Variants in MYO1E observed in about 807,000 individuals in gnomAD.
MYO1E encodes unconventional myosin-Ie.
In MYO1E, 68 loss-of-function variants were observed where a neutral mutation model predicts 151.1. The observed-to-expected ratio is 0.45, with a 90% CI of 0.37 to 0.55. The LOEUF is 0.55. Ranked by LOEUF, MYO1E falls within the 20% of genes least tolerant of loss-of-function variation. The pLI is 0.00. For missense variants in MYO1E, 1,363 were observed against 1,389.3 expected, an observed-to-expected ratio of 0.98 and a Z score of 0.30; for synonymous variants, 601 against 501.7, an observed-to-expected ratio of 1.20 and a Z score of -2.64.
intron 26 of MYO1E, among the ~76,000 whole-genome samples, chr15:59,148,802 CTT>C (rs1411096691): frequency 6.6e-6 from 1 of 152,180 alleles, no homozygotes. Flanking sequence ...ACTTCCAAGA[CTT>C]TTCTGTTTTT....
chr15:59,209,814 CCTTTTTTTTT>C (rs1566979727), intron 13 of MYO1E, among the ~76,000 whole-genome samples: 1 of 99,462 alleles, frequency 1.0e-5, no homozygotes, highest in Non-Finnish European at 1.9e-5. Context: ...TTTTGAATCA[CCTTTTTTTTT>C]TTTTTTTTTT....
intron 25 of MYO1E, among the ~76,000 whole-genome samples, chr15:59,157,720 A>G (rs1474884932): frequency 6.6e-6 from 1 of 152,238 alleles, no homozygotes; most frequent in African/African-American, 2.4e-5. Flanking sequence ...TAAATTCAGT[A>G]ACAATATATC....
intron 4 of MYO1E, among the ~76,000 whole-genome samples, chr15:59,248,115 G>A (rs1227656107): frequency 1.0e-5 from 1 of 97,398 alleles, no homozygotes; most frequent in Non-Finnish European, 1.8e-5. Context: ...GTGACAGAAT[G>A]AGACTCCGTC....
intron 13 of MYO1E, 33 bp from the exon 14 acceptor site, chr15:59,208,881 C>T (rs779567828): frequency 1.9e-6 from 3 of 1,613,066 alleles, no homozygotes; most frequent in Non-Finnish European, 2.5e-6. Context: ...GCCCTAGTCA[C>T]TGACCTCTCC....
At chr15:59,246,966 G>C (rs1396856709) in intron 4 of MYO1E, among the ~76,000 whole-genome samples, 1 of 152,254 alleles carries the variant, frequency 6.6e-6, no homozygotes, top group African/African-American at 2.4e-5. Context: ...GGCCAACAAT[G>C]ACAAAGGGTT....
At chr15:59,176,523 A>G (rs1566971149) in intron 19 of MYO1E, among the ~76,000 whole-genome samples, 1 of 148,936 alleles carries the variant, frequency 6.7e-6, no homozygotes, top group Non-Finnish European at 1.5e-5. Context: ...CTGCAGTGGT[A>G]CAATCATAGC....
intron 1 of MYO1E, among the ~76,000 whole-genome samples, chr15:59,311,740 A>G (rs1323506169): frequency 2.6e-5 from 4 of 152,214 alleles, no homozygotes; most frequent in Admixed American, 6.5e-5. Context: ...CTGAAGGTAG[A>G]AAAAGGGGGA....
At chr15:59,315,528 A>G (rs940149812) in intron 1 of MYO1E, among the ~76,000 whole-genome samples, 8 of 150,786 alleles carry the variant, frequency 5.3e-5, no homozygotes, top group Admixed American at 1.3e-4. Flanking sequence ...CATCTTGCAC[A>G]TGTACCCTAG....
intron 17 of MYO1E, among the ~76,000 whole-genome samples, chr15:59,192,515 A>G (rs2079740149): frequency 6.6e-6 from 1 of 152,114 alleles, no homozygotes; most frequent in Non-Finnish European, 1.5e-5. Context: ...TACGTGGGGT[A>G]GAGGAGGGTG....
chr15:59,225,978 C>G lies in MYO1E; in HGVS notation c.643-1155G>C, dbSNP rs576500045. 1.1e-4 allele frequency among the ~76,000 whole-genome samples: 17 copies of G among 152,274 alleles called. No homozygotes were observed. The East Asian group carries it at 3.1e-3, about 28-fold the overall frequency. On this transcript the variant is annotated intron_variant, in intron 7 of 27. Transcript: ENST00000288235. ...ACTTTCATGTCAGAATCTTGAACCC[C>G]TGCGCCCATCAGTTCCCAGCCTCTA... is the stretch of plus-strand genomic sequence containing the variant.
chr15:59,207,910 A>C (rs1161227415), intron 14 of MYO1E: 1 of 1,614,170 alleles, frequency 6.2e-7, no homozygotes. Context: ...TCCAGTTTCC[A>C]CCATAATTAA....
intron 1 of MYO1E, among the ~76,000 whole-genome samples, chr15:59,353,356 C>CA (rs1205997737): frequency 0.025 from 1,432 of 57,510 alleles, 81 homozygotes; most frequent in African/African-American, 0.081. Flanking sequence ...GACCCTGTCT[C>CA]AAAAAAAAAA....
intron 27 of MYO1E, among the ~76,000 whole-genome samples, 166 bp downstream of exon 27, chr15:59,138,032 T>A (rs1438895580): frequency 6.6e-6 from 1 of 152,096 alleles, no homozygotes; most frequent in African/African-American, 2.4e-5. Flanking sequence ...GAAAGAAGCA[T>A]TAAAAAAGCT....
intron 18 of MYO1E, among the ~76,000 whole-genome samples, chr15:59,184,889 A>C (rs1457194687): frequency 6.6e-6 from 1 of 152,170 alleles, no homozygotes; most frequent in South Asian, 2.1e-4. Flanking sequence ...TAGTTATACT[A>C]ATTTACATTC....
Position 59,224,793 on chromosome 15 carries a change from G to A in MYO1E, c.673C>T (p.His225Tyr). ...TCCATGCTGGTGATGCCAAGGCTGT[G>A]TTTCTGCTCTGCAGAGGCGCCCTCG... ...LIEGASAEQKHSLGITSMDYY... is the reference protein window; with the variant it reads ...LIEGASAEQKYSLGITSMDYY... The change falls in exon 8 of 28, where the codon CAC (histidine) becomes TAC (tyrosine). Residue 225 changes from histidine (H) to tyrosine (Y), a missense_variant. His to Tyr is a moderately conservative substitution (Grantham distance 83, BLOSUM62 2). Transcript: ENST00000288235. The A allele has an allele frequency of 1.2e-6, 2 of 1,614,226 alleles. No homozygotes were observed. Among genetic ancestry groups the A allele is most frequent in the Non-Finnish European group, 1.7e-6 (2 of 1,180,034 alleles).
chr15:59,228,058 T>C (rs1476438111), intron 6 of MYO1E, among the ~76,000 whole-genome samples: 3 of 152,220 alleles, frequency 2.0e-5, no homozygotes, highest in South Asian at 2.1e-4. Flanking sequence ...AAGTTCTTTC[T>C]AGCTACTGAC....
At chr15:59,351,034 C>T (rs573047017) in intron 1 of MYO1E, among the ~76,000 whole-genome samples, 49 of 152,272 alleles carry the variant, frequency 3.2e-4, no homozygotes, top group African/African-American at 1.2e-3. Flanking sequence ...GTAGCTGGGA[C>T]TACAGGCGTC....
Position 59,136,552 on chromosome 15 carries a change from G to C in MYO1E, c.*828C>G, listed in dbSNP as rs564811748. Reference sequence around the variant, plus strand: ...TTGTAAGAAAACCTACCTTATGAATGAGTACAGTGGAATACTACTTAGTAC... The same window carrying C: ...TTGTAAGAAAACCTACCTTATGAATCAGTACAGTGGAATACTACTTAGTAC... On this transcript the variant is annotated 3_prime_UTR_variant, in exon 28 of 28. Transcript: ENST00000288235. The C allele has an allele frequency of 4.0e-4, 133 of 336,082 alleles. 1 individual carries two copies. Among genetic ancestry groups the C allele is most frequent in the South Asian group, 8.0e-4 (34 of 42,302 alleles). 20.8% of individuals were successfully genotyped at this position (336,082 alleles called of 1,614,324 possible).
At chr15:59,235,223 G>A (rs900165675) in intron 5 of MYO1E, among the ~76,000 whole-genome samples, 3 of 151,710 alleles carry the variant, frequency 2.0e-5, no homozygotes, top group African/African-American at 4.9e-5. Context: ...TCTTGAATTG[G>A]CAAGTGGTTC....
Sources: gnomAD v4.1 joint callset for allele counts (sites outside exome capture counted in the v4.1 genomes callset) on GRCh38, gnomAD v4.1.1 for gene constraint, MANE v1.5 for transcripts, NCBI Gene and HGNC (gene_info 2026-07-23, HGNC 2026-07-21) for gene names.